The following MSH4 variants were observed in gnomAD, a reference collection of about 807,000 sequenced individuals.
The protein encoded by MSH4 is mutS homolog 4.
Under a neutral mutation model 113.7 loss-of-function variants are expected in MSH4, and 106 were observed. That is an observed-to-expected ratio of 0.93 (90% CI 0.80 to 1.10). The LOEUF (loss-of-function observed/expected upper bound fraction) is 1.10, where lower values mean the gene tolerates loss of function less well. MSH4 is among the 50% of genes least tolerant of loss of function. The pLI, the probability that MSH4 is intolerant of heterozygous loss-of-function variation, is 0.00. For missense variants in MSH4, 1,061 were observed against 1,093.7 expected (o/e 0.97, Z 0.42); for synonymous variants, 368 against 380.2 (o/e 0.97, Z 0.37).
At chr1:75,843,183 C>T (rs960344078) in intron 7 of MSH4, among the ~76,000 whole-genome samples, 1 of 152,218 alleles carries the variant, frequency 6.6e-6, no homozygotes, top group African/African-American at 2.4e-5. Flanking sequence ...GACTCACACT[C>T]TTTACCCTGC....
At chr1:75,843,230 C>T (rs528352528) in intron 7 of MSH4, among the ~76,000 whole-genome samples, 1 of 152,288 alleles carries the variant, frequency 6.6e-6, no homozygotes, top group Admixed American at 6.5e-5. Context: ...ACAGCGCAGC[C>T]AGACATTCGG....
Position 75,880,041 on chromosome 1 carries a change from T to C in MSH4, c.1678-9T>C. On this transcript the variant is annotated splice_polypyrimidine_tract_variant and intron_variant, in intron 12 of 19. Coordinates refer to ENST00000263187, the MANE Select transcript of MSH4 (RefSeq NM_002440.4). ...TTATCTTGACATTTGTTTTTTAATC[T>C]CCAAGCAGATTTCTAAAGTGAAAAA... The C allele has an allele frequency of 2.1e-6, 3 of 1,409,354 alleles. No individual in the cohort carries two copies. Among genetic ancestry groups the C allele is most frequent in the Non-Finnish European group, 3.0e-6 (3 of 1,001,460 alleles). The allele number at this position is 1,409,354 out of a possible 1,614,324, so 87.3% of individuals were successfully genotyped here. A position where few individuals can be genotyped will look rare whatever the true frequency, so the allele number is the denominator to read the frequency against.
intron 7 of MSH4, among the ~76,000 whole-genome samples, chr1:75,840,317 C>T (rs1361599188): frequency 1.4e-5 from 2 of 142,722 alleles, no homozygotes; most frequent in East Asian, 2.4e-4. Context: ...GGCACATATA[C>T]ACCACGGAAT....
intron 16 of MSH4, 71 bp downstream of exon 16, chr1:75,889,440 A>C: frequency 1.5e-6 from 1 of 675,584 alleles, no homozygotes; most frequent in East Asian, 3.0e-5. Context: ...ATCACATAAA[A>C]TATTTTTATA....
rs1358384639 is a variant in MSH4 at position 75,797,213 on chromosome 1, C to G, written c.228C>G (p.Asn76Lys). Reference sequence around the variant, plus strand: ...GCAGCCTTCCCTGCCCCGCGCCAAACTCCCGGCCAGCTCAAGGCAAGGAGT... The same window carrying G: ...GCAGCCTTCCCTGCCCCGCGCCAAAGTCCCGGCCAGCTCAAGGCAAGGAGT... Reference protein sequence around the residue: ...SSSSLPCPAPNSRPAQGSYFG... With the variant: ...SSSSLPCPAPKSRPAQGSYFG... The change falls in exon 1 of 20, where the codon AAC becomes AAG. Residue 76 changes from asparagine (N) to lysine (K), a missense_variant. Asn to Lys is a moderately conservative substitution (Grantham distance 94). Transcript: ENST00000263187. The G allele has an allele frequency of 6.2e-7, 1 of 1,604,896 alleles. No individual in the cohort carries two copies. The highest frequency in any genetic ancestry group is 8.5e-7 in the Non-Finnish European group (1 of 1,176,092).
chr1:75,810,902 C>T, intron 4 of MSH4, 95 bp downstream of exon 4: 1 of 566,348 alleles, frequency 1.8e-6, no homozygotes, highest in Non-Finnish European at 2.8e-6. Context: ...GACAGAGTTT[C>T]ACTCTGTCAC....
intron 19 of MSH4, among the ~76,000 whole-genome samples, chr1:75,908,717 A>G (rs1652724106): frequency 6.6e-6 from 1 of 151,912 alleles, no homozygotes; most frequent in African/African-American, 2.4e-5. Flanking sequence ...CGCTTGTTGG[A>G]CTTTCTAGGT....
intron 2 of MSH4, among the ~76,000 whole-genome samples, chr1:75,805,041 G>A (rs1363768581): frequency 6.6e-6 from 1 of 151,798 alleles, no homozygotes; most frequent in Admixed American, 6.6e-5. Context: ...TGGCCAGGCT[G>A]GTCTTGAACT....
chr1:75,897,206 A>G (rs751934812), intron 17 of MSH4, among the ~76,000 whole-genome samples: 1 of 152,138 alleles, frequency 6.6e-6, no homozygotes, highest in African/African-American at 2.4e-5. Context: ...AAAATCACCT[A>G]AAGTACTTAC....
At chr1:75,885,509 T>A (rs1265058399) in intron 15 of MSH4, among the ~76,000 whole-genome samples, 15 of 123,158 alleles carry the variant, frequency 1.2e-4, no homozygotes, top group Admixed American at 3.3e-4. Context: ...TATATATACA[T>A]ATAACCTTCA....
chr1:75,851,197 T>C (rs1651178848), intron 8 of MSH4, among the ~76,000 whole-genome samples: 2 of 139,810 alleles, frequency 1.4e-5, no homozygotes, highest in African/African-American at 2.6e-5. Flanking sequence ...ATTATTGATA[T>C]GTTTTTATTT....
chr1:75,878,144 A>G lies in MSH4; in HGVS notation c.1371-5A>G. ...ATAATGTTTTTCTTTTGGCCTTAAT[A>G]TTAGGTTTGGAATCATACTTGAAAA... On this transcript the variant is annotated splice_region_variant and splice_polypyrimidine_tract_variant and intron_variant, in intron 10 of 19. Coordinates refer to ENST00000263187, the MANE Select transcript of MSH4 (RefSeq NM_002440.4). 1 of 1,556,978 alleles carries G rather than the reference A, an allele frequency of 6.4e-7. No individual in the cohort carries two copies. Among genetic ancestry groups the G allele is most frequent in the East Asian group, 2.3e-5 (1 of 42,970 alleles).
At chr1:75,808,035 A>T (rs1327421400) in intron 3 of MSH4, among the ~76,000 whole-genome samples, 3 of 152,236 alleles carry the variant, frequency 2.0e-5, no homozygotes, top group Non-Finnish European at 2.9e-5. Flanking sequence ...ATACATTAAA[A>T]TGTTGAAATT....
chr1:75,897,635 A>G (rs1652412913), intron 17 of MSH4, among the ~76,000 whole-genome samples: 1 of 152,068 alleles, frequency 6.6e-6, no homozygotes, highest in Non-Finnish European at 1.5e-5. Context: ...TATATTTTTT[A>G]GGATTTTATT....
At chr1:75,839,009 T>C (rs1458742285) in intron 7 of MSH4, among the ~76,000 whole-genome samples, 2 of 152,226 alleles carry the variant, frequency 1.3e-5, no homozygotes, top group African/African-American at 4.8e-5. Context: ...GTTTAACATA[T>C]TTGTTAAACT....
chr1:75,839,152 T>G (rs1056578362), intron 7 of MSH4, among the ~76,000 whole-genome samples: 2 of 152,304 alleles, frequency 1.3e-5, no homozygotes, highest in East Asian at 3.9e-4. Flanking sequence ...GTTTTTAAAT[T>G]CCTTATGACT....
intron 15 of MSH4, among the ~76,000 whole-genome samples, chr1:75,886,605 T>C (rs1256925473): frequency 8.3e-6 from 1 of 120,450 alleles, no homozygotes; most frequent in East Asian, 2.2e-4. Flanking sequence ...TTATATATTA[T>C]ATAATGTATA....
intron 19 of MSH4, among the ~76,000 whole-genome samples, chr1:75,910,860 C>T (rs1317356852): frequency 6.6e-6 from 1 of 152,050 alleles, no homozygotes; most frequent in African/African-American, 2.4e-5. Flanking sequence ...ATGGATCATT[C>T]CTCTTAATCA....
At chr1:75,859,972 CA>C (rs1651416034) in intron 8 of MSH4, among the ~76,000 whole-genome samples, 1 of 152,100 alleles carries the variant, frequency 6.6e-6, no homozygotes, top group African/African-American at 2.4e-5. Context: ...ATATTTAGGA[CA>C]GTTAGCTCTT....
Sources: gnomAD v4.1 joint callset for allele counts (sites outside exome capture counted in the v4.1 genomes callset) on GRCh38, gnomAD v4.1.1 for gene constraint, MANE v1.5 for transcripts, NCBI Gene and HGNC (gene_info 2026-07-23, HGNC 2026-07-21) for gene names.